The following OTULIN variants were observed in gnomAD, a reference collection of about 807,000 sequenced individuals.
The protein encoded by OTULIN is ubiquitin thioesterase otulin.
A neutral mutation model predicts 39.6 loss-of-function variants in OTULIN; 15 were observed. The ratio of observed to expected loss-of-function variants is 0.38; its 90% CI spans 0.25 to 0.58. The LOEUF is 0.58. Among genes scored for constraint, OTULIN ranks in the 20% least tolerant of loss-of-function variants. OTULIN has a pLI of 0.66. For missense variants in OTULIN, 319 were observed against 445.9 expected (o/e 0.72, Z 2.56); for synonymous variants, 156 against 170.3 (o/e 0.92, Z 0.65).
chr5:14,668,066 G>A lies in OTULIN; in HGVS notation c.152+3089G>A, dbSNP rs72732782. Among the ~76,000 whole-genome samples, 158 of 152,254 alleles carry A rather than the reference G, an allele frequency of 1.0e-3. 1 individual carries two copies. Among genetic ancestry groups the A allele is most frequent in the South Asian group, 2.9e-3 (14 of 4,820 alleles). On this transcript the variant is annotated intron_variant, in intron 1 of 6. Transcript: ENST00000284274. ...TTTGAATCTGTGGAGGCATACTGTC[G>A]GTGAACCCCTCTGAAATTGAAAGCA...
rs182555742 is a variant in OTULIN at position 14,684,708 on chromosome 5, A to G, written c.469-2813A>G. 6.6e-5 allele frequency among the ~76,000 whole-genome samples: 10 copies of G among 152,296 alleles called. No individual in the cohort carries two copies. The East Asian group carries it at 1.9e-3, about 29-fold the overall frequency. ...CAGATTGAGAGATGTTCTCTGTGGCATGTTGCTGTCTTCTCTGTCTTTTAG... is the reference window on the plus strand; with the variant it reads ...CAGATTGAGAGATGTTCTCTGTGGCGTGTTGCTGTCTTCTCTGTCTTTTAG... On this transcript the variant is annotated intron_variant, in intron 4 of 6. Coordinates refer to ENST00000284274, the MANE Select transcript of OTULIN (RefSeq NM_138348.6).
rs372916976 is a variant in OTULIN, at chr5:14,696,127, C to T, written c.*3079C>T. On this transcript the variant is annotated 3_prime_UTR_variant, in exon 7 of 7. Transcript: ENST00000284274. ...TTGGTCTTTGTTTTTGTTATTCATC[C>T]TGTGTCCTCCCTCTTCCCGATGTGC... 6 of 152,032 alleles carry T rather than the reference C, an allele frequency of 3.9e-5. 1 individual carries two copies. The highest frequency in any genetic ancestry group is 1.4e-4 in the African/African-American group (6 of 41,450). 9.4% of individuals were successfully genotyped at this position (152,032 alleles called of 1,614,324 possible).
chr5:14,711,140 G>T, the OTULIN span: 11 of 1,387,044 alleles, frequency 7.9e-6, no homozygotes, highest in Non-Finnish European at 1.1e-5. Flanking sequence ...GGGAAGAGAT[G>T]ATGCCGAAGT....
chr5:14,667,819 T>A (rs1431398656), intron 1 of OTULIN, among the ~76,000 whole-genome samples: 1 of 152,168 alleles, frequency 6.6e-6, no homozygotes, highest in Non-Finnish European at 1.5e-5. Flanking sequence ...AAACATAACT[T>A]AGGGTCATAT....
chr5:14,700,918 C>T (rs1736784725), downstream of OTULIN, among the ~76,000 whole-genome samples: 1 of 152,150 alleles, frequency 6.6e-6, no homozygotes, highest in African/African-American at 2.4e-5. Context: ...AAATGCTTTC[C>T]TAACTCAGAA....
At chr5:14,683,397 T>C (rs1197553938) in intron 4 of OTULIN, among the ~76,000 whole-genome samples, 2 of 152,278 alleles carry the variant, frequency 1.3e-5, no homozygotes, top group African/African-American at 2.4e-5. Flanking sequence ...AAGCTGTTTT[T>C]TCTTTTGTAA....
At chr5:14,689,335 G>C (rs1736464809) in intron 5 of OTULIN, among the ~76,000 whole-genome samples, 1 of 152,228 alleles carries the variant, frequency 6.6e-6, no homozygotes, top group Non-Finnish European at 1.5e-5. Context: ...TGGTGTTTGA[G>C]AGGGGCACTA....
Position 14,664,790 on chromosome 5 carries a change from G to A in OTULIN, c.-36G>A. The stretch of plus-strand genomic sequence containing the variant: ...CGACGGGAGGGGCTCCGGATCGTTC[G>A]GAGCCGGCTGAACCCCTTCGGCCGC... On this transcript the variant is annotated 5_prime_UTR_variant, in exon 1 of 7. Transcript: ENST00000284274. 8.5e-7 allele frequency: 1 copy of A among 1,182,084 alleles called. No individual in the cohort carries two copies. Among genetic ancestry groups the A allele is most frequent in the African/African-American group, 1.6e-5 (1 of 62,848 alleles). 73.2% of individuals were successfully genotyped at this position (1,182,084 alleles called of 1,614,324 possible).
chr5:14,702,682 T>C (rs1246176531), downstream of OTULIN, among the ~76,000 whole-genome samples: 1 of 152,126 alleles, frequency 6.6e-6, no homozygotes, highest in South Asian at 2.1e-4. Flanking sequence ...GCGGTGGAGA[T>C]ACAGGCCGCT....
intron 1 of OTULIN, among the ~76,000 whole-genome samples, chr5:14,666,680 G>T (rs993206114): frequency 2.2e-4 from 33 of 152,118 alleles, no homozygotes; most frequent in African/African-American, 8.0e-4. Flanking sequence ...CCTTATTTTT[G>T]TTGCGTTTGA....
chr5:14,714,451 G>T, the OTULIN span, among the ~76,000 whole-genome samples: 2 of 152,056 alleles, frequency 1.3e-5, no homozygotes, highest in Non-Finnish European at 2.9e-5. Flanking sequence ...GGGCCTTGAA[G>T]AGAGGGCCTG....
intron 2 of OTULIN, among the ~76,000 whole-genome samples, chr5:14,675,785 G>T (rs2126818870): frequency 6.6e-6 from 1 of 152,160 alleles, no homozygotes; most frequent in South Asian, 2.1e-4. Flanking sequence ...AATAACATTT[G>T]TTACCCTCTC....
chr5:14,679,403 C>A (rs1414878690), intron 3 of OTULIN, among the ~76,000 whole-genome samples: 6 of 152,184 alleles, frequency 3.9e-5, no homozygotes, highest in Non-Finnish European at 8.8e-5. Flanking sequence ...CAGATGTATA[C>A]CAAATCCAGT....
chr5:14,667,377 T>C (rs1735877035), intron 1 of OTULIN, among the ~76,000 whole-genome samples: 1 of 152,202 alleles, frequency 6.6e-6, no homozygotes, highest in Non-Finnish European at 1.5e-5. Flanking sequence ...TAAGCTACAT[T>C]GTTTTCTTGT....
At chr5:14,678,654 T>C in intron 2 of OTULIN, 27 bp from the exon 3 acceptor site, 1 of 325,590 alleles carries the variant, frequency 3.1e-6, no homozygotes, top group African/African-American at 2.3e-5. Context: ...TATTATTTGC[T>C]TTTTTTTTTT....
intron 1 of OTULIN, among the ~76,000 whole-genome samples, chr5:14,669,981 T>TTATC (rs1735942079): frequency 6.6e-6 from 1 of 152,238 alleles, no homozygotes; most frequent in Non-Finnish European, 1.5e-5. Flanking sequence ...TTAACTGTAG[T>TTATC]TATCCTACAA....
intron 4 of OTULIN, among the ~76,000 whole-genome samples, chr5:14,683,411 A>G (rs1736306252): frequency 6.6e-6 from 1 of 152,238 alleles, no homozygotes; most frequent in African/African-American, 2.4e-5. Context: ...TTTGTAAATG[A>G]TGCCATTTAT....
chr5:14,675,509 G>C (rs952693836), intron 2 of OTULIN, among the ~76,000 whole-genome samples: 9 of 152,152 alleles, frequency 5.9e-5, no homozygotes, highest in Non-Finnish European at 1.0e-4. Flanking sequence ...CTCTGTGGTT[G>C]TTCAAAATTT....
At chr5:14,689,389 T>C (rs1736466345) in intron 5 of OTULIN, among the ~76,000 whole-genome samples, 1 of 152,258 alleles carries the variant, frequency 6.6e-6, no homozygotes, top group Non-Finnish European at 1.5e-5. Context: ...TTGGCGTCTC[T>C]TATTCTCATT....
Sources: gnomAD v4.1 joint callset for allele counts (sites outside exome capture counted in the v4.1 genomes callset) on GRCh38, gnomAD v4.1.1 for gene constraint, MANE v1.5 for transcripts, NCBI Gene and HGNC (gene_info 2026-07-23, HGNC 2026-07-21) for gene names.